The following GPC5 variants were observed in gnomAD, a reference collection of about 807,000 sequenced individuals.
The protein encoded by GPC5 is glypican-5.
Under a neutral mutation model 53.9 loss-of-function variants are expected in GPC5, and 47 were observed. The observed-to-expected ratio is 0.87, with a 90% CI of 0.69 to 1.11. The LOEUF is 1.11. Ranked by LOEUF, GPC5 falls within the 50% of genes most tolerant of loss-of-function variation. GPC5 has a pLI of 0.00. For missense variants in GPC5, 748 were observed against 713.1 expected, an observed-to-expected ratio of 1.05 and a Z score of -0.56; for synonymous variants, 286 against 263.3, an observed-to-expected ratio of 1.09 and a Z score of -0.84.
chr13:92,358,565 A>T (rs575037207), intron 7 of GPC5, among the ~76,000 whole-genome samples: 8 of 151,756 alleles, frequency 5.3e-5, no homozygotes, highest in African/African-American at 1.9e-4. Context: ...CCTGCACCAG[A>T]CTTCTGCCTG....
chr13:92,365,190 G>A (rs2043598251), intron 7 of GPC5, among the ~76,000 whole-genome samples: 1 of 151,746 alleles, frequency 6.6e-6, no homozygotes, highest in Non-Finnish European at 1.5e-5. Context: ...CAGGCTGTGT[G>A]ATATAGCCTG....
chr13:91,638,724 G>A (rs2034345401), intron 2 of GPC5, among the ~76,000 whole-genome samples: 1 of 152,056 alleles, frequency 6.6e-6, no homozygotes, highest in South Asian at 2.1e-4. Flanking sequence ...CTAAGTTGAG[G>A]ATTGGATTCA....
intron 1 of GPC5, among the ~76,000 whole-genome samples, chr13:91,402,599 T>C (rs1226608111): frequency 6.6e-6 from 1 of 152,212 alleles, no homozygotes. Flanking sequence ...CATTTAGAAA[T>C]AGGAATATTC....
chr13:91,568,485 G>T (rs1245234204), intron 2 of GPC5, among the ~76,000 whole-genome samples: 6 of 151,700 alleles, frequency 4.0e-5, no homozygotes, highest in Non-Finnish European at 8.8e-5. Flanking sequence ...TGTGCAGCTG[G>T]GTCTGTAGGA....
intron 7 of GPC5, among the ~76,000 whole-genome samples, chr13:92,226,932 T>C (rs2042491294): frequency 6.6e-6 from 1 of 152,146 alleles, no homozygotes; most frequent in South Asian, 2.1e-4. Context: ...AAGTAACCCG[T>C]ATGCTCAACT....
At chr13:92,182,608 C>T (rs1014078845) in intron 7 of GPC5, among the ~76,000 whole-genome samples, 1 of 152,058 alleles carries the variant, frequency 6.6e-6, no homozygotes, top group East Asian at 1.9e-4. Flanking sequence ...TAAGAAAATT[C>T]CGATCGCCAT....
chr13:91,969,786 GA>G (rs540502312), intron 6 of GPC5, among the ~76,000 whole-genome samples: 54 of 152,210 alleles, frequency 3.5e-4, no homozygotes, highest in South Asian at 1.7e-3. Flanking sequence ...ATAATCATCA[GA>G]AAAATTCAGA....
intron 7 of GPC5, among the ~76,000 whole-genome samples, chr13:92,799,677 T>A (rs553657083): frequency 6.6e-6 from 1 of 151,966 alleles, no homozygotes; most frequent in East Asian, 1.9e-4. Flanking sequence ...TCTTTAGTCC[T>A]TTACCAATGC....
intron 7 of GPC5, among the ~76,000 whole-genome samples, chr13:92,846,185 C>T (rs560197683): frequency 5.9e-5 from 9 of 152,036 alleles, no homozygotes; most frequent in African/African-American, 1.2e-4. Context: ...AAGTGCTGAG[C>T]GAAGGAGGGA....
At chr13:91,425,090 A>G (rs1275047327) in intron 1 of GPC5, among the ~76,000 whole-genome samples, 1 of 152,214 alleles carries the variant, frequency 6.6e-6, no homozygotes, top group Non-Finnish European at 1.5e-5. Flanking sequence ...TTCATTTAAA[A>G]TGGAAGATTT....
chr13:92,324,038 C>T (rs902935620), intron 7 of GPC5, among the ~76,000 whole-genome samples: 3 of 151,890 alleles, frequency 2.0e-5, no homozygotes, highest in Admixed American at 6.6e-5. Flanking sequence ...CCTCCTTTCT[C>T]AAGACATTCA....
chr13:92,329,809 G>A (rs2043276555), intron 7 of GPC5, among the ~76,000 whole-genome samples: 1 of 152,090 alleles, frequency 6.6e-6, no homozygotes, highest in East Asian at 1.9e-4. Context: ...GACAGCCACG[G>A]TTTTCTGGCT....
chr13:91,830,984 TTATATATATAA>T (rs1201907534), intron 5 of GPC5, among the ~76,000 whole-genome samples: 3 of 136,626 alleles, frequency 2.2e-5, no homozygotes, highest in Non-Finnish European at 3.1e-5. Context: ...ATATATCCTA[TTATATATATAA>T]TATATATATC....
intron 2 of GPC5, among the ~76,000 whole-genome samples, chr13:91,514,099 T>C (rs1467398472): frequency 1.3e-5 from 2 of 152,358 alleles, no homozygotes; most frequent in East Asian, 3.9e-4. Context: ...AGTAAAGCTA[T>C]TGTGAACATT....
chr13:91,518,570 T>C (rs1470838728), intron 2 of GPC5, among the ~76,000 whole-genome samples: 1 of 152,196 alleles, frequency 6.6e-6, no homozygotes, highest in Non-Finnish European at 1.5e-5. Context: ...TTTCTTTTTT[T>C]GAGATGGAGT....
At chr13:92,137,638 T>C (rs188564935) in intron 6 of GPC5, among the ~76,000 whole-genome samples, 2 of 152,334 alleles carry the variant, frequency 1.3e-5, no homozygotes, top group Non-Finnish European at 2.9e-5. Flanking sequence ...TTTTGTTTCA[T>C]TTTGTTTGAG....
chr13:92,164,508 C>A (rs932666270), intron 7 of GPC5, among the ~76,000 whole-genome samples: 3 of 152,232 alleles, frequency 2.0e-5, no homozygotes, highest in Non-Finnish European at 2.9e-5. Context: ...CACACTGATG[C>A]AAGAGGTGGG....
chr13:92,161,599 A>T (rs1396601346), intron 7 of GPC5, among the ~76,000 whole-genome samples: 4 of 152,162 alleles, frequency 2.6e-5, no homozygotes, highest in Non-Finnish European at 5.9e-5. Context: ...TTCTTCAATC[A>T]TTGGTACTTG....
chr13:91,513,054 G>C (rs1440287125), intron 2 of GPC5, among the ~76,000 whole-genome samples: 1 of 152,112 alleles, frequency 6.6e-6, no homozygotes. Flanking sequence ...TTGTTACATA[G>C]GCAGGCTGGT....
Sources: gnomAD v4.1 joint callset for allele counts (sites outside exome capture counted in the v4.1 genomes callset) on GRCh38, gnomAD v4.1.1 for gene constraint, MANE v1.5 for transcripts, NCBI Gene and HGNC (gene_info 2026-07-23, HGNC 2026-07-21) for gene names.